CTNNA2: variants seen among roughly 807,000 people sequenced by gnomAD.
The protein encoded by CTNNA2 is catenin alpha 2.
A neutral mutation model predicts 101.0 loss-of-function variants in CTNNA2; 42 were observed. That is an observed-to-expected ratio of 0.42 (90% CI 0.32 to 0.54). The LOEUF is 0.54. Ranked by LOEUF, CTNNA2 falls within the 20% of genes least tolerant of loss-of-function variation. The pLI is 0.14. For synonymous variants in CTNNA2, 450 were observed against 456.4 expected, an observed-to-expected ratio of 0.99 and a Z score of 0.18; for missense variants, 871 against 1,223.1, an observed-to-expected ratio of 0.71 and a Z score of 4.29.
chr2:79,511,133 C>G (rs115757779), upstream of CTNNA2, among the ~76,000 whole-genome samples: 330 of 152,314 alleles, frequency 2.2e-3, 2 homozygotes, highest in African/African-American at 7.6e-3. Flanking sequence ...CGTGCATGCT[C>G]TACCTCATTT....
chr2:79,310,132 A>G (rs189810807), intron 2 of CTNNA2, among the ~76,000 whole-genome samples: 132 of 152,308 alleles, frequency 8.7e-4, no homozygotes, highest in African/African-American at 2.6e-3. Context: ...ATAAAGGATC[A>G]TAATATATGC....
chr2:80,430,255 GT>G (rs1681370873), intron 9 of CTNNA2, among the ~76,000 whole-genome samples: 1 of 152,114 alleles, frequency 6.6e-6, no homozygotes, highest in Non-Finnish European at 1.5e-5. Context: ...TAACTATGTT[GT>G]CCCTACCTAA....
At chr2:80,076,774 CA>C (rs1327537410) in intron 7 of CTNNA2, among the ~76,000 whole-genome samples, 1 of 151,900 alleles carries the variant, frequency 6.6e-6, no homozygotes, top group African/African-American at 2.4e-5. Flanking sequence ...GAACTCACAA[CA>C]AGAAAACAGA....
At chr2:79,585,021 C>T (rs1379812822) in intron 1 of CTNNA2, among the ~76,000 whole-genome samples, 5 of 152,084 alleles carry the variant, frequency 3.3e-5, no homozygotes, top group Non-Finnish European at 7.4e-5. Context: ...CTTTTTGAGT[C>T]TTTGGATCTT....
At chr2:79,599,845 A>G (rs2104066449) in intron 1 of CTNNA2, among the ~76,000 whole-genome samples, 1 of 152,280 alleles carries the variant, frequency 6.6e-6, no homozygotes, top group South Asian at 2.1e-4. Flanking sequence ...ACAGCATCCT[A>G]TTTAGAACCA....
In CTNNA2 at chr2:80,393,250, A is replaced by G; in HGVS notation, c.1096A>G (p.Ile366Val). The G allele has an allele frequency of 6.2e-7, 1 of 1,611,224 alleles. No homozygotes were observed. Among genetic ancestry groups the G allele is most frequent in the South Asian group, 1.1e-5 (1 of 90,340 alleles). Residue 366 changes from isoleucine (I) to valine (V), a missense_variant, in exon 8 of 19, where the codon ATT becomes GTT. Coordinates refer to ENST00000402739, the MANE Select transcript of CTNNA2 (RefSeq NM_001282597.3). ...KEKGDPLNIAIDKMTKKTRDL... is the reference protein window; with the variant it reads ...KEKGDPLNIAVDKMTKKTRDL... ...AAAAGGAGATCCTCTCAACATTGCG[A>G]TTGATAAGATGACTAAGAAAACAAG... is the stretch of plus-strand genomic sequence containing the variant.
intron 2 of CTNNA2, among the ~76,000 whole-genome samples, chr2:79,703,817 C>A (rs1257795442): frequency 6.6e-6 from 1 of 152,124 alleles, no homozygotes; most frequent in Admixed American, 6.5e-5. Flanking sequence ...TTTTAACATG[C>A]AGTCCAGAAA....
intron 4 of CTNNA2, among the ~76,000 whole-genome samples, chr2:79,858,914 C>T (rs1318209770): frequency 6.6e-6 from 1 of 151,634 alleles, no homozygotes; most frequent in African/African-American, 2.4e-5. Flanking sequence ...GGCTACCTCC[C>T]CAGTCCTTGA....
intron 7 of CTNNA2, among the ~76,000 whole-genome samples, chr2:80,184,992 G>A (rs1453431555): frequency 6.6e-6 from 1 of 152,134 alleles, no homozygotes; most frequent in Non-Finnish European, 1.5e-5. Context: ...TATTTGCTGT[G>A]TAATAAATTA....
At chr2:79,222,683 T>G (rs1010775874) in intron 2 of CTNNA2, among the ~76,000 whole-genome samples, 11 of 150,878 alleles carry the variant, frequency 7.3e-5, no homozygotes, top group Non-Finnish European at 1.5e-4. Context: ...TCTTCCTTTA[T>G]TCTCTCTCTC....
chr2:80,157,373 G>C (rs1308249694), intron 7 of CTNNA2, among the ~76,000 whole-genome samples: 1 of 152,052 alleles, frequency 6.6e-6, no homozygotes, highest in Non-Finnish European at 1.5e-5. Context: ...CTATCTCATG[G>C]GTCCTACGGG....
At chr2:80,082,054 T>C (rs1437284859) in intron 7 of CTNNA2, among the ~76,000 whole-genome samples, 4 of 152,110 alleles carry the variant, frequency 2.6e-5, no homozygotes, top group Admixed American at 1.3e-4. Context: ...AGTGTAGGAA[T>C]TAAAGGGTGT....
chr2:80,546,800 T>C lies in CTNNA2; in HGVS notation c.1540+737T>C, dbSNP rs189487362. The stretch of plus-strand genomic sequence containing the variant: ...TTCCAAATGCTTTTGACCTAACTTA[T>C]TTGGCCCAGTTCACCTGGAAGAATC... On this transcript the variant is annotated intron_variant, in intron 11 of 18. Coordinates refer to ENST00000402739, the MANE Select transcript of CTNNA2 (RefSeq NM_001282597.3). Among the ~76,000 whole-genome samples, 190 of 152,316 alleles carry C rather than the reference T, an allele frequency of 1.2e-3. 1 individual carries two copies. The highest frequency in any genetic ancestry group is 4.2e-3 in the African/African-American group (176 of 41,568).
chr2:79,536,021 A>G (rs1427987245), intron 1 of CTNNA2, among the ~76,000 whole-genome samples: 2 of 152,210 alleles, frequency 1.3e-5, no homozygotes, highest in Non-Finnish European at 2.9e-5. Flanking sequence ...TGGTACCCAA[A>G]TTCTTGAAGG....
chr2:79,757,434 C>T (rs35495553), intron 3 of CTNNA2, among the ~76,000 whole-genome samples: 23,264 of 152,178 alleles, frequency 0.15, 1,926 homozygotes, highest in Middle Eastern at 0.22. Context: ...ATTGCCAATT[C>T]AGGACTGTTT....
intron 3 of CTNNA2, among the ~76,000 whole-genome samples, chr2:79,749,821 T>TA (rs1161119381): frequency 6.6e-6 from 1 of 152,176 alleles, no homozygotes; most frequent in East Asian, 1.9e-4. Context: ...CACAGGGGAT[T>TA]AAAAAAACGC....
At chr2:79,503,508 AC>A (rs770693103) in intron 4 of CTNNA2, among the ~76,000 whole-genome samples, 8 of 152,138 alleles carry the variant, frequency 5.3e-5, no homozygotes, top group Admixed American at 3.3e-4. Context: ...TGATCTTACT[AC>A]ATACTTATTG....
intron 2 of CTNNA2, among the ~76,000 whole-genome samples, chr2:79,672,410 G>A (rs1053210737): frequency 6.6e-6 from 1 of 151,984 alleles, no homozygotes; most frequent in Admixed American, 6.6e-5. Context: ...GAATAGAAAT[G>A]TCCAATTATT....
intron 13 of CTNNA2, among the ~76,000 whole-genome samples, chr2:80,580,833 G>A (rs942591273): frequency 3.9e-4 from 60 of 152,188 alleles, no homozygotes; most frequent in African/African-American, 1.4e-3. Context: ...TGGCCAACGT[G>A]GTGAAACCTT....
Sources: allele counts gnomAD v4.1 joint callset (sites outside exome capture counted in the v4.1 genomes callset), GRCh38; gene constraint gnomAD v4.1.1; transcripts MANE v1.5; gene names NCBI Gene and HGNC (gene_info 2026-07-23, HGNC 2026-07-21).